The following CAMK4 variants were observed in gnomAD, a reference collection of about 807,000 sequenced individuals.
The protein encoded by CAMK4 is calcium/calmodulin-dependent protein kinase type IV.
A neutral mutation model predicts 44.9 loss-of-function variants in CAMK4; 22 were observed. The observed-to-expected ratio is 0.49, with a 90% CI of 0.35 to 0.70. The LOEUF (loss-of-function observed/expected upper bound fraction) is 0.70, where lower values mean the gene tolerates loss of function less well. Ranked by LOEUF, CAMK4 falls within the 30% of genes least tolerant of loss-of-function variation. The pLI, the probability that CAMK4 is intolerant of heterozygous loss-of-function variation, is 0.01. For synonymous variants in CAMK4, 218 were observed against 215.4 expected, an observed-to-expected ratio of 1.01 and a Z score of -0.11; for missense variants, 498 against 586.8, an observed-to-expected ratio of 0.85 and a Z score of 1.56.
chr5:111,252,358 T>G (rs568728030), intron 1 of CAMK4, among the ~76,000 whole-genome samples: 2 of 152,316 alleles, frequency 1.3e-5, no homozygotes, highest in South Asian at 2.1e-4. Flanking sequence ...AGTACCTTCT[T>G]ATACATTTTT....
rs1554071314 is a variant in CAMK4, at chr5:111,432,681, TAC to T, written c.460-14003_460-14002del. ...GTGTGTGTATATATATATATATATATACATTTATGTATTTAAGAAACATTTAT... is the reference window on the plus strand; with the variant it reads ...GTGTGTGTATATATATATATATATATATTTATGTATTTAAGAAACATTTAT... On this transcript the variant is annotated intron_variant, in intron 5 of 10. Coordinates refer to ENST00000282356, the MANE Select transcript of CAMK4 (RefSeq NM_001744.6). 2.7e-5 allele frequency among the ~76,000 whole-genome samples: 4 copies of T among 146,138 alleles called. No individual in the cohort carries two copies. In the Admixed American group the frequency reaches 2.8e-4, roughly 10 times the overall value.
chr5:111,465,885 A>G, intron 7 of CAMK4, among the ~76,000 whole-genome samples: 1 of 152,198 alleles, frequency 6.6e-6, no homozygotes, highest in East Asian at 1.9e-4. Flanking sequence ...AAACCAGGAA[A>G]GGACATAACC....
intron 5 of CAMK4, among the ~76,000 whole-genome samples, chr5:111,416,099 C>T (rs1313085257): frequency 6.6e-6 from 1 of 152,090 alleles, no homozygotes; most frequent in African/African-American, 2.4e-5. Context: ...AAGGATATTC[C>T]AGTAACTGCT....
At chr5:111,416,856 T>A (rs7701190) in intron 5 of CAMK4, among the ~76,000 whole-genome samples, 5,566 of 152,252 alleles carry the variant, frequency 0.037, 318 homozygotes, top group African/African-American at 0.13. Context: ...TTATAAATTG[T>A]TAATAAATTA....
At chr5:111,455,031 T>C (rs1165638543) in intron 7 of CAMK4, among the ~76,000 whole-genome samples, 1 of 152,258 alleles carries the variant, frequency 6.6e-6, no homozygotes, top group Non-Finnish European at 1.5e-5. Context: ...TCTGAGACAG[T>C]CCTACTGGCA....
Position 111,243,606 on chromosome 5 carries a change from C to G in CAMK4, c.161+18962C>G, listed in dbSNP as rs1445595141. Among the ~76,000 whole-genome samples, 3 of 152,264 alleles carry G rather than the reference C, an allele frequency of 2.0e-5. No individual in the cohort carries two copies. The East Asian group carries it at 5.8e-4, about 29-fold the overall frequency. On this transcript the variant is annotated intron_variant, in intron 1 of 10. Coordinates refer to ENST00000282356, the MANE Select transcript of CAMK4 (RefSeq NM_001744.6). ...AACCTAACTGGAAATTTTACTAGCC[C>G]TATCATGGGAAAGGCTCCAATTTCC...
At chr5:111,386,165 A>G (rs1364660268) in intron 4 of CAMK4, among the ~76,000 whole-genome samples, 9 of 152,232 alleles carry the variant, frequency 5.9e-5, no homozygotes, top group Non-Finnish European at 1.3e-4. Flanking sequence ...CAATGATGTC[A>G]TCAATAAAAT....
At chr5:111,355,351 T>A (rs434488) in intron 2 of CAMK4, among the ~76,000 whole-genome samples, 132,265 of 152,090 alleles carry the variant, frequency 0.87, 57,838 homozygotes, top group East Asian at 1. Context: ...ATGTTAAATC[T>A]TGGCCTGATT....
Position 111,363,031 on chromosome 5 carries a change from G to A in CAMK4, c.241-11819G>A, listed in dbSNP as rs1372146. 4.7e-3 allele frequency among the ~76,000 whole-genome samples: 714 copies of A among 152,206 alleles called. 4 individuals carry two copies. The highest frequency in any genetic ancestry group is 0.017 in the African/African-American group (694 of 41,552). ...GGTGTGCTGTTGGAAGGAAAAGTAC[G>A]GGATTTCTATCTGGCAGCTATAAAA... On this transcript the variant is annotated intron_variant, in intron 2 of 10. Transcript: ENST00000282356.
At chr5:111,293,514 C>T (rs1412141011) in intron 1 of CAMK4, among the ~76,000 whole-genome samples, 1 of 151,598 alleles carries the variant, frequency 6.6e-6, no homozygotes, top group Non-Finnish European at 1.5e-5. Flanking sequence ...GCAACCTCCA[C>T]CTCCCGGGTT....
intron 1 of CAMK4, among the ~76,000 whole-genome samples, chr5:111,229,191 C>G (rs1748344124): frequency 6.6e-6 from 1 of 152,182 alleles, no homozygotes; most frequent in Non-Finnish European, 1.5e-5. Flanking sequence ...AATAAATATG[C>G]ATTTCTCACA....
chr5:111,403,606 A>G (rs1489505396), intron 5 of CAMK4, among the ~76,000 whole-genome samples: 1 of 152,178 alleles, frequency 6.6e-6, no homozygotes, highest in Non-Finnish European at 1.5e-5. Flanking sequence ...TGTTCTCTTA[A>G]TGTTATAATA....
rs1415159013 is a variant in CAMK4, at chr5:111,376,855, C to T, written c.304-5C>T. The stretch of plus-strand genomic sequence containing the variant: ...TGATATTCTTTTTTTTATATCTTTC[C>T]CTAGATAAAACTTAAAGAGATATTT... On this transcript the variant is annotated splice_region_variant and splice_polypyrimidine_tract_variant and intron_variant, in intron 3 of 10. Coordinates refer to ENST00000282356, the MANE Select transcript of CAMK4 (RefSeq NM_001744.6). 6.6e-7 allele frequency: 1 copy of T among 1,520,292 alleles called. No individual in the cohort carries two copies. The highest frequency in any genetic ancestry group is 1.2e-5 in the South Asian group (1 of 85,152). The allele number at this position is 1,520,292 out of a possible 1,614,324, so 94.2% of individuals were successfully genotyped here. A position where few individuals can be genotyped will look rare whatever the true frequency, so the allele number is the denominator to read the frequency against.
At position 111,290,896 on chromosome 5, in the gene CAMK4, C is replaced by T. The variant is rs1052388639; in HGVS notation, c.162-53128C>T. On this transcript the variant is annotated intron_variant, in intron 1 of 10. Coordinates refer to ENST00000282356, the MANE Select transcript of CAMK4 (RefSeq NM_001744.6). This position sits in a 1 kb window ranked among gnomAD's most constrained non-coding sequence, Gnocchi z 4.5. ...CCACATAAGCAGATTTGGATTCCAT[C>T]AAGAAACTTGGGCTTATATAGTCCA... 5.9e-5 allele frequency among the ~76,000 whole-genome samples: 9 copies of T among 152,150 alleles called. No individual in the cohort carries two copies. The highest frequency in any genetic ancestry group is 2.2e-4 in the African/African-American group (9 of 41,430).
At chr5:111,441,232 T>C (rs1460849441) in intron 5 of CAMK4, among the ~76,000 whole-genome samples, 1 of 152,228 alleles carries the variant, frequency 6.6e-6, no homozygotes, top group South Asian at 2.1e-4. Flanking sequence ...AGCAGAGATA[T>C]GCCTTTGGCA....
Position 111,486,943 on chromosome 5 carries a change from T to C in CAMK4, c.*2477T>C, listed in dbSNP as rs538466795. ...GACTATATAGTGACTAATTTCATTG[T>C]TTCAGTAGGAAACAAATCAAACTTT... On this transcript the variant is annotated 3_prime_UTR_variant, in exon 11 of 11. Coordinates refer to ENST00000282356, the MANE Select transcript of CAMK4 (RefSeq NM_001744.6). 4 of 152,338 alleles carry C rather than the reference T, an allele frequency of 2.6e-5. No individual in the cohort carries two copies. In the East Asian group the frequency reaches 5.8e-4, roughly 22 times the overall value. 9.4% of individuals were successfully genotyped at this position (152,338 alleles called of 1,614,324 possible).
intron 1 of CAMK4, among the ~76,000 whole-genome samples, chr5:111,278,804 TGAGA>T (rs951978379): frequency 1.7e-4 from 26 of 152,132 alleles, no homozygotes; most frequent in African/African-American, 5.8e-4. Flanking sequence ...TCCAAAGAAA[TGAGA>T]GAGGGAGAAA....
At chr5:111,318,892 T>G (rs768590745) in intron 1 of CAMK4, among the ~76,000 whole-genome samples, 1 of 152,176 alleles carries the variant, frequency 6.6e-6, no homozygotes, top group Non-Finnish European at 1.5e-5. Flanking sequence ...AAACAGTAAG[T>G]AGATGTAAGT....
chr5:111,385,629 A>G (rs1186596817), intron 4 of CAMK4, among the ~76,000 whole-genome samples: 1 of 152,084 alleles, frequency 6.6e-6, no homozygotes, highest in African/African-American at 2.4e-5. Flanking sequence ...GCTGGAGTGC[A>G]GTGGCGTGAT....
Sources: gnomAD v4.1 joint callset for allele counts (sites outside exome capture counted in the v4.1 genomes callset) on GRCh38, gnomAD v4.1.1 for gene constraint, Gnocchi (gnomAD v3.1) non-coding constraint, MANE v1.5 for transcripts, NCBI Gene and HGNC (gene_info 2026-07-23, HGNC 2026-07-21) for gene names.